TRIM9: variants seen among roughly 807,000 people sequenced by gnomAD.
TRIM9 encodes the protein tripartite motif containing 9.
Under a neutral mutation model 78.3 loss-of-function variants are expected in TRIM9, and 26 were observed. The observed-to-expected ratio is 0.33, with a 90% CI of 0.24 to 0.46. The LOEUF (loss-of-function observed/expected upper bound fraction) is 0.46. Ranked by LOEUF, TRIM9 falls within the 20% of genes least tolerant of loss-of-function variation. TRIM9 has a pLI of 1.00. For synonymous variants in TRIM9, 398 were observed against 416.5 expected, an observed-to-expected ratio of 0.96 and a Z score of 0.54; for missense variants, 787 against 1,036.4, an observed-to-expected ratio of 0.76 and a Z score of 3.30.
At chr14:51,034,477 C>T (rs749501524) in intron 1 of TRIM9, among the ~76,000 whole-genome samples, 4 of 152,140 alleles carry the variant, frequency 2.6e-5, no homozygotes, top group Admixed American at 6.5e-5. Flanking sequence ...GAGTGACATA[C>T]AGGAAAGAAG....
At chr14:51,038,496 T>C (rs1318763343) in intron 1 of TRIM9, among the ~76,000 whole-genome samples, 1 of 152,212 alleles carries the variant, frequency 6.6e-6, no homozygotes, top group African/African-American at 2.4e-5. Context: ...TTTGTAAACC[T>C]GCTCAGAATA....
At chr14:51,060,202 G>A (rs945181923) in intron 1 of TRIM9, among the ~76,000 whole-genome samples, 4 of 152,104 alleles carry the variant, frequency 2.6e-5, no homozygotes, top group Non-Finnish European at 5.9e-5. Context: ...TATTTATGTG[G>A]TGAGAATCTC....
chr14:51,009,362 G>T, intron 4 of TRIM9, 129 bp from the exon 5 acceptor site: 1 of 1,135,814 alleles, frequency 8.8e-7, no homozygotes, highest in Non-Finnish European at 1.2e-6. Flanking sequence ...CTGCCTCAGT[G>T]CTGTTGGTGA....
chr14:51,095,099 G>A lies in TRIM9; in HGVS notation c.-160C>T, dbSNP rs530525977. The A allele has an allele frequency of 2.0e-6, 1 of 489,604 alleles. No homozygotes were observed. The highest frequency in any genetic ancestry group is 9.4e-5 in the South Asian group (1 of 10,598). 30.3% of individuals were successfully genotyped at this position (489,604 alleles called of 1,614,324 possible). A position where few individuals can be genotyped will look rare whatever the true frequency, so the allele number is the denominator to read the frequency against. Reference sequence around the variant, plus strand: ...GGCACGGACACCCAGAGAGGCGCTAGCTCTGTGAGCCGCAGCCGCGTAGCC... The same window carrying A: ...GGCACGGACACCCAGAGAGGCGCTAACTCTGTGAGCCGCAGCCGCGTAGCC... On this transcript the variant is annotated 5_prime_UTR_variant, in exon 1 of 13. Coordinates refer to ENST00000684578, the MANE Select transcript of TRIM9 (RefSeq NM_001387360.1).
intron 1 of TRIM9, among the ~76,000 whole-genome samples, chr14:51,039,939 T>G (rs1040909842): frequency 3.3e-5 from 5 of 151,812 alleles, no homozygotes; most frequent in Non-Finnish European, 7.4e-5. Flanking sequence ...TAGTAGAGAC[T>G]CTAAATTTAA....
intron 1 of TRIM9, among the ~76,000 whole-genome samples, chr14:51,034,163 C>T (rs1461731834): frequency 6.6e-6 from 1 of 152,074 alleles, no homozygotes; most frequent in African/African-American, 2.4e-5. Context: ...CAGTTTTTGG[C>T]TTCTAAGGCT....
intron 5 of TRIM9, among the ~76,000 whole-genome samples, chr14:51,001,228 ATTTTT>A (rs34019183): frequency 1.5e-5 from 2 of 130,608 alleles, no homozygotes. Context: ...TGTGCTAATA[ATTTTT>A]TTTTTTTTTT....
chr14:51,038,891 A>G (rs1350310323), intron 1 of TRIM9, among the ~76,000 whole-genome samples: 2 of 152,238 alleles, frequency 1.3e-5, no homozygotes, highest in Non-Finnish European at 2.9e-5. Context: ...AAAGTGATGT[A>G]TGTTTTGGAT....
intron 1 of TRIM9, among the ~76,000 whole-genome samples, chr14:51,041,339 C>G (rs1017039148): frequency 4.1e-4 from 62 of 152,358 alleles, no homozygotes; most frequent in African/African-American, 1.4e-3. Context: ...GCGGGTTACA[C>G]GAGGTGATTG....
At chr14:51,088,083 A>T (rs2063935642) in intron 1 of TRIM9, among the ~76,000 whole-genome samples, 1 of 152,254 alleles carries the variant, frequency 6.6e-6, no homozygotes, top group South Asian at 2.1e-4. Flanking sequence ...TGTTTAAAAA[A>T]TAAAATAAAT....
At chr14:51,027,662 G>T (rs2058371759) in intron 1 of TRIM9, among the ~76,000 whole-genome samples, 1 of 152,068 alleles carries the variant, frequency 6.6e-6, no homozygotes. Flanking sequence ...TTTATGATTG[G>T]GTCTCAGCTA....
intron 12 of TRIM9, chr14:50,979,088 G>A (rs115474889): frequency 2.1e-5 from 28 of 1,329,356 alleles, no homozygotes; most frequent in Admixed American, 3.4e-5. Flanking sequence ...AAAGGCTTTC[G>A]TTTCTATTTA....
chr14:51,030,942 T>C (rs1326044441), intron 1 of TRIM9, among the ~76,000 whole-genome samples: 1 of 150,142 alleles, frequency 6.7e-6, no homozygotes, highest in African/African-American at 2.5e-5. Context: ...AGGCCAGGAG[T>C]TCAAGATCAG....
At chr14:51,035,238 A>G (rs1264384605) in intron 1 of TRIM9, among the ~76,000 whole-genome samples, 2 of 151,892 alleles carry the variant, frequency 1.3e-5, no homozygotes, top group Non-Finnish European at 2.9e-5. Context: ...AGTTCTTTTG[A>G]TTTTCTGATT....
At position 51,016,842 on chromosome 14, in the gene TRIM9, G is replaced by A. The variant is rs553699988; in HGVS notation, c.1041+5993C>T. On this transcript the variant is annotated intron_variant, in intron 3 of 12. Transcript: ENST00000684578. ...ATGTTCAGGAGAGACTTTTGTTTCC[G>A]AATATTTTCAATCCATTGTTGGTTG... Among the ~76,000 whole-genome samples the A allele has an allele frequency of 5.3e-5, 8 of 152,262 alleles. No homozygotes were observed. In the South Asian group the frequency reaches 6.2e-4, roughly 12 times the overall value.
Position 50,975,497 on chromosome 14 carries a change from A to G in TRIM9, c.*1794T>C, listed in dbSNP as rs984013814. 5 of 152,666 alleles carry G rather than the reference A, an allele frequency of 3.3e-5. No individual in the cohort carries two copies. Among genetic ancestry groups the G allele is most frequent in the Admixed American group, 3.3e-4 (5 of 15,282 alleles). The allele number at this position is 152,666 out of a possible 1,614,324, so 9.5% of individuals were successfully genotyped here. On this transcript the variant is annotated 3_prime_UTR_variant, in exon 13 of 13. Coordinates refer to ENST00000684578, the MANE Select transcript of TRIM9 (RefSeq NM_001387360.1). ...AATATCAAACTAGTGTTGCCCTGCA[A>G]CAGTTTTTCTGTAGCCAAGAAAAAC...
At chr14:51,042,218 A>G (rs150156813) in intron 1 of TRIM9, among the ~76,000 whole-genome samples, 43 of 152,344 alleles carry the variant, frequency 2.8e-4, no homozygotes, top group African/African-American at 1.0e-3. Context: ...AAATCCCTCA[A>G]GACCCAGCCT....
At chr14:51,023,684 T>G (rs1484223183) in intron 2 of TRIM9, among the ~76,000 whole-genome samples, 1 of 152,248 alleles carries the variant, frequency 6.6e-6, no homozygotes, top group African/African-American at 2.4e-5. Context: ...TTTTAAGCAA[T>G]TCTTTCAATG....
chr14:50,995,782 A>C (rs1171717532), intron 7 of TRIM9, among the ~76,000 whole-genome samples: 1 of 152,160 alleles, frequency 6.6e-6, no homozygotes, highest in Non-Finnish European at 1.5e-5. Flanking sequence ...AGAAAAAAAA[A>C]ATCTCTAAAG....
Sources: gnomAD v4.1 joint callset for allele counts (sites outside exome capture counted in the v4.1 genomes callset) on GRCh38, gnomAD v4.1.1 for gene constraint, MANE v1.5 for transcripts, NCBI Gene and HGNC (gene_info 2026-07-23, HGNC 2026-07-21) for gene names.